Variants in LHX9 observed in about 807,000 individuals in gnomAD.
LHX9 encodes LIM/homeobox protein Lhx9.
Under a neutral mutation model 36.5 loss-of-function variants are expected in LHX9, and 9 were observed. That is an observed-to-expected ratio of 0.25 (90% CI 0.15 to 0.43). The LOEUF is 0.43. Among genes scored for constraint, LHX9 ranks in the 20% least tolerant of loss-of-function variants. The pLI, the probability that LHX9 is intolerant of heterozygous loss-of-function variation, is 1.00. For missense variants in LHX9, 464 were observed against 526.4 expected (o/e 0.88, Z 1.16); for synonymous variants, 211 against 212.1 (o/e 0.99, Z 0.04).
chr1:197,922,458 G>A (rs563624603), intron 3 of LHX9, among the ~76,000 whole-genome samples: 1 of 152,230 alleles, frequency 6.6e-6, no homozygotes, highest in African/African-American at 2.4e-5. Context: ...TGGGGGACAC[G>A]CCTATCATGT....
Position 197,917,720 on chromosome 1 carries a change from C to T in LHX9, c.-104C>T. Reference sequence around the variant, plus strand: ...CTGTTTCTTCTCCTCCTTTCTCTCCCTCTTTCCCTCCATCCTCGAGCGTCT... The same window carrying T: ...CTGTTTCTTCTCCTCCTTTCTCTCCTTCTTTCCCTCCATCCTCGAGCGTCT... On this transcript the variant is annotated 5_prime_UTR_variant, in exon 1 of 5. Coordinates refer to ENST00000367387, the MANE Select transcript of LHX9 (RefSeq NM_020204.3). 4 of 1,593,006 alleles carry T rather than the reference C, an allele frequency of 2.5e-6. No individual in the cohort carries two copies. Among genetic ancestry groups the T allele is most frequent in the Non-Finnish European group, 3.4e-6 (4 of 1,173,086 alleles).
chr1:197,925,142 TGGATTGTG>T, intron 3 of LHX9, among the ~76,000 whole-genome samples: 1 of 43,730 alleles, frequency 2.3e-5, no homozygotes, highest in Non-Finnish European at 4.2e-5. Context: ...CCTTACATAT[TGGATTGTG>T]TATTTTATGT....
chr1:197,928,174 G>A (rs1278390760), intron 4 of LHX9, among the ~76,000 whole-genome samples: 4 of 152,116 alleles, frequency 2.6e-5, no homozygotes, highest in Non-Finnish European at 1.5e-5. Flanking sequence ...GCCTTAACTC[G>A]GCAAACTTTT....
chr1:197,930,971 T>C lies in LHX9; in HGVS notation c.*1712T>C, dbSNP rs1660313133. ...GGCTGAGATCTTATTAATACACTTT[T>C]ACAGGTAAAATATTGACACTTATAA... On this transcript the variant is annotated 3_prime_UTR_variant, in exon 5 of 5. Coordinates refer to ENST00000367387, the MANE Select transcript of LHX9 (RefSeq NM_020204.3). 1 of 152,002 alleles carries C rather than the reference T, an allele frequency of 6.6e-6. No homozygotes were observed. Among genetic ancestry groups the C allele is most frequent in the Admixed American group, 6.5e-5 (1 of 15,270 alleles). 9.4% of individuals were successfully genotyped at this position (152,002 alleles called of 1,614,324 possible).
chr1:197,913,485 T>A (rs915892665), upstream of LHX9, among the ~76,000 whole-genome samples: 6 of 152,170 alleles, frequency 3.9e-5, no homozygotes, highest in Admixed American at 2.0e-4. Flanking sequence ...AGCCCCAGTA[T>A]GGATCTGCCA....
At chr1:197,915,935 C>G (rs1401962303), upstream of LHX9, 7 of 151,958 alleles carry the variant, frequency 4.6e-5, no homozygotes, top group African/African-American at 1.7e-4. Context: ...AGTTCCCGGT[C>G]GGGCTCCCCC....
At chr1:197,918,319 T>C (rs1477118456) in intron 1 of LHX9, 1 of 717,294 alleles carries the variant, frequency 1.4e-6, no homozygotes, top group Middle Eastern at 2.3e-4. Flanking sequence ...GGGGCAGGCG[T>C]CTCCCCGGCG....
At chr1:197,920,347 G>C (rs1571400861) in intron 2 of LHX9, among the ~76,000 whole-genome samples, 173 bp downstream of exon 2, 1 of 144,182 alleles carries the variant, frequency 6.9e-6, no homozygotes, top group African/African-American at 2.6e-5. Flanking sequence ...CTCCCTGACC[G>C]ACGGTGAGGG....
rs1660400507 is a variant in LHX9 at position 197,934,345 on chromosome 1, T to C, written c.*5086T>C. ...ATGTTGTGGTGGAAATCATTAGAAC[T>C]GGGAAGCTCTGGAATGGAAATTTGG... On this transcript the variant is annotated 3_prime_UTR_variant, in exon 5 of 5. Coordinates refer to ENST00000367387, the MANE Select transcript of LHX9 (RefSeq NM_020204.3). The C allele has an allele frequency of 6.6e-6, 1 of 152,158 alleles. No individual in the cohort carries two copies. Among genetic ancestry groups the C allele is most frequent in the Non-Finnish European group, 1.5e-5 (1 of 68,024 alleles). The allele number at this position is 152,158 out of a possible 1,614,324, so 9.4% of individuals were successfully genotyped here.
rs761993843 is a variant in LHX9, at chr1:197,920,191, C to G, written c.377+17C>G. ...TTACTACAGGTACTCCCCTACACCC[C>G]CACTTCCTACGCCCGAGTACACCTG... is the stretch of plus-strand genomic sequence containing the variant. On this transcript the variant is annotated intron_variant, in intron 2 of 4. Transcript: ENST00000367387. The G allele has an allele frequency of 6.2e-7, 1 of 1,611,918 alleles. No individual in the cohort carries two copies. Among genetic ancestry groups the G allele is most frequent in the South Asian group, 1.1e-5 (1 of 90,976 alleles).
At chr1:197,916,458 C>G (rs1001668144), upstream of LHX9, 4 of 565,664 alleles carry the variant, frequency 7.1e-6, no homozygotes, top group African/African-American at 1.9e-5. Flanking sequence ...CGGGGGCAGG[C>G]GCCAAGCTCC....
intron 3 of LHX9, among the ~76,000 whole-genome samples, chr1:197,922,220 C>A (rs1660015692): frequency 6.6e-6 from 1 of 152,140 alleles, no homozygotes; most frequent in Admixed American, 6.5e-5. Context: ...CTCTCCACAG[C>A]TGAGCTAGCC....
chr1:197,912,898 G>T, upstream of LHX9: 1 of 364,598 alleles, frequency 2.7e-6, no homozygotes, highest in South Asian at 3.7e-5. Flanking sequence ...CCGGGGAGCT[G>T]CTGGGGGTGT....
At chr1:197,916,434 A>G (rs1659754578), upstream of LHX9, 4 of 543,370 alleles carry the variant, frequency 7.4e-6, no homozygotes, top group Non-Finnish European at 1.3e-5. Context: ...CGATGGGGCT[A>G]GCGCCCAGTC....
chr1:197,915,681 G>GA (rs1659728650), upstream of LHX9, among the ~76,000 whole-genome samples: 1 of 152,006 alleles, frequency 6.6e-6, no homozygotes, highest in African/African-American at 2.4e-5. Context: ...TTGACCCTGA[G>GA]AAAAAAGGAG....
chr1:197,919,982 C>A lies in LHX9; in HGVS notation c.185C>A (p.Pro62Gln). 3 of 1,614,080 alleles carry A rather than the reference C, an allele frequency of 1.9e-6. No individual in the cohort carries two copies. Among genetic ancestry groups the A allele is most frequent in the Middle Eastern group, 1.7e-4 (1 of 6,056 alleles). Residue 62 changes from proline to glutamine, a missense_variant, in exon 2 of 5, where the codon CCG becomes CAG. Transcript: ENST00000367387. ...QLNGRDAGMP[P>Q]LSPEKPALCA... The stretch of plus-strand genomic sequence containing the variant: ...GTGCTTTCTTTGCAGGGCATGCCCC[C>A]GCTCAGCCCGGAGAAGCCCGCCCTG...
chr1:197,933,164 A>C lies in LHX9; in HGVS notation c.*3905A>C, dbSNP rs550075535. The C allele has an allele frequency of 7.9e-4, 121 of 152,256 alleles. No individual in the cohort carries two copies. The highest frequency in any genetic ancestry group is 1.3e-3 in the Non-Finnish European group (91 of 67,972). The allele number at this position is 152,256 out of a possible 1,614,324, so 9.4% of individuals were successfully genotyped here. A position where few individuals can be genotyped will look rare whatever the true frequency, so the allele number is the denominator to read the frequency against. On this transcript the variant is annotated 3_prime_UTR_variant, in exon 5 of 5. Coordinates refer to ENST00000367387, the MANE Select transcript of LHX9 (RefSeq NM_020204.3). ...CAAAGCATATGTTAAACAAACTAAC[A>C]TATACTTTCCAGAAAATTTTTCATT...
chr1:197,921,598 A>C lies in LHX9; in HGVS notation c.672A>C (p.Lys224Asn). 2 of 1,608,484 alleles carry C rather than the reference A, an allele frequency of 1.2e-6. No individual in the cohort carries two copies. The highest frequency in any genetic ancestry group is 1.7e-6 in the Non-Finnish European group (2 of 1,178,666). Residue 224 changes from lysine (K) to asparagine (N), a missense_variant, in exon 3 of 5, where the codon AAA becomes AAC. Physicochemically the swap from Lys to Asn is moderately conservative, Grantham distance 94. Around this residue, in one of 5 missense-constraint regions of LHX9, gnomAD observed 130 missense variants for 109.6 expected, o/e 1.19. Coordinates refer to ENST00000367387, the MANE Select transcript of LHX9 (RefSeq NM_020204.3). This position sits in a 1 kb window ranked among gnomAD's most constrained non-coding sequence, Gnocchi z 4.6. ...TCAACGGTACGGGCACCGTGCAGAA[A>C]GGGCGGCCCCGGAAGCGGAAGAGCC... ...PYFNGTGTVQ[K>N]GRPRKRKSPA... is the part of the protein sequence containing the mutation.
At chr1:197,926,959 T>C (rs182132389) in intron 3 of LHX9, among the ~76,000 whole-genome samples, 3 of 152,294 alleles carry the variant, frequency 2.0e-5, no homozygotes. Context: ...AATTTTGAAT[T>C]TCTAACTTCT....
Sources: allele counts gnomAD v4.1 joint callset (sites outside exome capture counted in the v4.1 genomes callset), GRCh38; gene constraint gnomAD v4.1.1; regional missense constraint gnomAD v4.1.1; non-coding constraint Gnocchi (gnomAD v3.1); transcripts MANE v1.5; gene names NCBI Gene and HGNC (gene_info 2026-07-23, HGNC 2026-07-21).